The following NIPAL2 variants were observed in gnomAD, a reference collection of about 807,000 sequenced individuals.
NIPAL2 encodes the protein NIPA like domain containing 2.
In NIPAL2, 43 loss-of-function variants were observed where a neutral mutation model predicts 48.9. The observed-to-expected ratio is 0.88, with a 90% confidence interval of 0.69 to 1.13. NIPAL2 has a LOEUF of 1.13. Ranked by LOEUF, NIPAL2 falls within the 50% of genes most tolerant of loss-of-function variation. NIPAL2 has a pLI of 0.00. For synonymous variants in NIPAL2, 167 were observed against 174.6 expected (o/e 0.96, Z 0.34); for missense variants, 446 against 461.4 (o/e 0.97, Z 0.31).
At chr8:98,249,651 A>G (rs1417397708) in intron 3 of NIPAL2, among the ~76,000 whole-genome samples, 2 of 147,566 alleles carry the variant, frequency 1.4e-5, no homozygotes, top group Non-Finnish European at 3.0e-5. Context: ...TAATTATATT[A>G]AATATAATTA....
chr8:98,238,260 G>A (rs565569193), intron 3 of NIPAL2, among the ~76,000 whole-genome samples: 53 of 152,258 alleles, frequency 3.5e-4, no homozygotes, highest in Non-Finnish European at 6.8e-4. Context: ...CTATTTGCTG[G>A]TTGTTTTTTA....
intron 3 of NIPAL2, among the ~76,000 whole-genome samples, chr8:98,246,816 C>T (rs1005233108): frequency 1.1e-4 from 16 of 152,144 alleles, no homozygotes; most frequent in African/African-American, 3.9e-4. Context: ...TTCTCCCTCC[C>T]TCCCTCCTTG....
At chr8:98,292,514 C>G (rs1029618026) in intron 1 of NIPAL2, among the ~76,000 whole-genome samples, 1 of 152,178 alleles carries the variant, frequency 6.6e-6, no homozygotes, top group African/African-American at 2.4e-5. Context: ...TCCTTTCTAA[C>G]CTGTACAAAT....
intron 8 of NIPAL2, among the ~76,000 whole-genome samples, chr8:98,199,202 C>T (rs1479221014): frequency 4.6e-5 from 7 of 152,072 alleles, no homozygotes; most frequent in East Asian, 1.9e-4. Context: ...GTGATCCGCC[C>T]GCCTCAGCCT....
At chr8:98,239,499 T>C (rs546330393) in intron 3 of NIPAL2, among the ~76,000 whole-genome samples, 19 of 152,296 alleles carry the variant, frequency 1.2e-4, no homozygotes, top group African/African-American at 4.1e-4. Flanking sequence ...AAAAAGGACA[T>C]GATTGGTAAC....
chr8:98,243,049 AC>A (rs1813082314), intron 3 of NIPAL2, among the ~76,000 whole-genome samples: 1 of 152,246 alleles, frequency 6.6e-6, no homozygotes, highest in Admixed American at 6.5e-5. Flanking sequence ...CAGCAGGAAT[AC>A]TATCCGTAAG....
chr8:98,270,628 A>G (rs1360082635), intron 1 of NIPAL2, among the ~76,000 whole-genome samples: 1 of 152,070 alleles, frequency 6.6e-6, no homozygotes. Context: ...ATAGTTTGCA[A>G]GTATTTTTTT....
chr8:98,238,835 A>G (rs1812847823), intron 3 of NIPAL2, among the ~76,000 whole-genome samples: 1 of 152,204 alleles, frequency 6.6e-6, no homozygotes, highest in African/African-American at 2.4e-5. Flanking sequence ...AAAGTAAGAA[A>G]TGAATTTGGG....
At chr8:98,240,171 T>G (rs1812914196) in intron 3 of NIPAL2, among the ~76,000 whole-genome samples, 1 of 152,244 alleles carries the variant, frequency 6.6e-6, no homozygotes, top group Non-Finnish European at 1.5e-5. Flanking sequence ...TGACTGGATA[T>G]TTACTTAAGC....
At chr8:98,202,323 C>G (rs187657977) in intron 8 of NIPAL2, among the ~76,000 whole-genome samples, 324 of 152,216 alleles carry the variant, frequency 2.1e-3, no homozygotes, top group Non-Finnish European at 3.8e-3. Flanking sequence ...GCATGTATGG[C>G]CCAGAGACAA....
intron 1 of NIPAL2, among the ~76,000 whole-genome samples, chr8:98,289,380 CAT>C: frequency 6.6e-6 from 1 of 152,146 alleles, no homozygotes; most frequent in Non-Finnish European, 1.5e-5. Context: ...TAGTCTGCCA[CAT>C]ATACAAGTAT....
At chr8:98,206,316 G>GTGTGTATATATATA (rs138475191) in intron 6 of NIPAL2, among the ~76,000 whole-genome samples, 6 of 147,578 alleles carry the variant, frequency 4.1e-5, no homozygotes, top group African/African-American at 1.6e-4. Context: ...GTGTGTGTGT[G>GTGTGTATATATATA]TATATATATA....
chr8:98,195,993 T>C lies in NIPAL2; in HGVS notation c.893A>G (p.Tyr298Cys), dbSNP rs371510805. 8.8e-6 allele frequency: 14 copies of C among 1,584,316 alleles called. No homozygotes were observed. The African/African-American group carries it at 1.3e-4, about 15-fold the overall frequency. Reference sequence around the variant, plus strand: ...AAAAGGAGCACCAAGGAATTCCTGATAAAATATGATACCTGTAACACAGGA... The same window carrying C: ...AAAAGGAGCACCAAGGAATTCCTGACAAAATATGATACCTGTAACACAGGA... ...ISAIIAGIIF[Y>C]QEFLGAPFLT... Residue 298 changes from tyrosine (Y) to cysteine (C), a missense_variant, in exon 9 of 11, where the codon TAT (tyrosine) becomes TGT (cysteine). Coordinates refer to ENST00000430223, the MANE Select transcript of NIPAL2 (RefSeq NM_001321635.2).
intron 7 of NIPAL2, among the ~76,000 whole-genome samples, 168 bp downstream of exon 7, chr8:98,204,943 G>C (rs1810959516): frequency 1.3e-5 from 2 of 152,102 alleles, no homozygotes; most frequent in Non-Finnish European, 2.9e-5. Flanking sequence ...CTCATTATTG[G>C]ATGCAAAGGA....
At chr8:98,276,746 C>T (rs964974713) in intron 1 of NIPAL2, among the ~76,000 whole-genome samples, 2 of 151,698 alleles carry the variant, frequency 1.3e-5, no homozygotes, top group Admixed American at 6.6e-5. Context: ...CATGTTTACC[C>T]ATTTCTTTCT....
chr8:98,228,552 C>T lies in NIPAL2; in HGVS notation c.437-5952G>A, dbSNP rs571965684. ...TCTAGGTACAAATTAAGTCATCATA[C>T]TTGCAAAATCCCAGGAACTTGGCTC... On this transcript the variant is annotated intron_variant, in intron 4 of 10. Coordinates refer to ENST00000430223, the MANE Select transcript of NIPAL2 (RefSeq NM_001321635.2). Among the ~76,000 whole-genome samples the T allele has an allele frequency of 8.5e-5, 13 of 152,264 alleles. No individual in the cohort carries two copies. In the South Asian group the frequency reaches 1.9e-3, roughly 22 times the overall value.
intron 1 of NIPAL2, among the ~76,000 whole-genome samples, chr8:98,271,743 A>C (rs1815141844): frequency 6.6e-6 from 1 of 152,062 alleles, no homozygotes; most frequent in Admixed American, 6.6e-5. Flanking sequence ...GAGTGGTTAG[A>C]GTGGGCATTT....
chr8:98,284,148 T>A (rs1476347803), intron 1 of NIPAL2, among the ~76,000 whole-genome samples: 1 of 152,186 alleles, frequency 6.6e-6, no homozygotes, highest in African/African-American at 2.4e-5. Flanking sequence ...AATGCTCATA[T>A]GACACCCACA....
intron 2 of NIPAL2, among the ~76,000 whole-genome samples, chr8:98,253,081 C>T (rs1790915467): frequency 6.6e-6 from 1 of 152,104 alleles, no homozygotes; most frequent in African/African-American, 2.4e-5. Context: ...GTTATCAGAT[C>T]AGCTGTTGCA....
Sources: gnomAD v4.1 joint callset for allele counts (sites outside exome capture counted in the v4.1 genomes callset) on GRCh38, gnomAD v4.1.1 for gene constraint, MANE v1.5 for transcripts, NCBI Gene and HGNC (gene_info 2026-07-23, HGNC 2026-07-21) for gene names.